ATF6: variants seen among roughly 807,000 people sequenced by gnomAD.
The protein encoded by ATF6 is cyclic AMP-dependent transcription factor ATF-6 alpha.
A neutral mutation model predicts 83.6 loss-of-function variants in ATF6; 53 were observed. The observed-to-expected ratio is 0.63, with a 90% CI of 0.51 to 0.80. The LOEUF (loss-of-function observed/expected upper bound fraction) is 0.80. Among genes scored for constraint, ATF6 ranks in the 30% least tolerant of loss-of-function variants. ATF6 has a pLI of 0.00. For missense variants in ATF6, 744 were observed against 797.9 expected (o/e 0.93, Z 0.81); for synonymous variants, 288 against 285.8 (o/e 1.01, Z -0.08).
intron 10 of ATF6, among the ~76,000 whole-genome samples, chr1:161,849,977 C>G (rs1350460312): frequency 6.6e-6 from 1 of 152,124 alleles, no homozygotes; most frequent in African/African-American, 2.4e-5. Flanking sequence ...TGTTGATACT[C>G]TTCCCCAAAA....
chr1:161,825,341 C>A (rs1685867144), intron 9 of ATF6, among the ~76,000 whole-genome samples: 1 of 152,130 alleles, frequency 6.6e-6, no homozygotes, highest in Non-Finnish European at 1.5e-5. Context: ...TATATCTGGC[C>A]AATTTAAGTC....
chr1:161,954,551 G>A (rs1688928983), intron 15 of ATF6, among the ~76,000 whole-genome samples: 1 of 152,170 alleles, frequency 6.6e-6, no homozygotes, highest in African/African-American at 2.4e-5. Flanking sequence ...ATATTTAATT[G>A]TTTATGATCA....
intron 15 of ATF6, among the ~76,000 whole-genome samples, chr1:161,953,892 T>G (rs368125430): frequency 1.3e-5 from 2 of 152,326 alleles, no homozygotes; most frequent in African/African-American, 4.8e-5. Context: ...TAAAAGTATT[T>G]TAACATTATT....
intron 15 of ATF6, among the ~76,000 whole-genome samples, chr1:161,955,285 C>T (rs972152533): frequency 1.3e-5 from 2 of 152,114 alleles, no homozygotes; most frequent in African/African-American, 2.4e-5. Context: ...AGTTAAAACT[C>T]GATCTGATAG....
At chr1:161,878,707 G>A (rs1002033186) in intron 14 of ATF6, among the ~76,000 whole-genome samples, 1 of 152,164 alleles carries the variant, frequency 6.6e-6, no homozygotes, top group Non-Finnish European at 1.5e-5. Flanking sequence ...AGAGACTTTT[G>A]AATGGGGAAG....
chr1:161,853,398 C>T lies in ATF6; in HGVS notation c.1533+75C>T, dbSNP rs1686684272. 21 of 1,113,020 alleles carry T rather than the reference C, an allele frequency of 1.9e-5. No individual in the cohort carries two copies. The South Asian group carries it at 2.5e-4, about 13-fold the overall frequency. The allele number at this position is 1,113,020 out of a possible 1,614,324, so 68.9% of individuals were successfully genotyped here. A position where few individuals can be genotyped will look rare whatever the true frequency, so the allele number is the denominator to read the frequency against. On this transcript the variant is annotated intron_variant, in intron 12 of 15. Transcript: ENST00000367942. ...CTTCTCCCAGCTGGGTTACTCTCTT[C>T]CCTAGAAGGTTGGTAAACTTGAGCT...
chr1:161,820,382 A>G (rs1056828918), intron 8 of ATF6, among the ~76,000 whole-genome samples: 1 of 152,162 alleles, frequency 6.6e-6, no homozygotes, highest in South Asian at 2.1e-4. Flanking sequence ...TTTACTGAAA[A>G]CAATGATTTA....
chr1:161,958,506 A>ACAC lies in ATF6; in HGVS notation c.1868_1870dup (p.Thr623dup). 1 of 1,613,654 alleles carries ACAC rather than the reference A, an allele frequency of 6.2e-7. No individual in the cohort carries two copies. The highest frequency in any genetic ancestry group is 8.5e-7 in the Non-Finnish European group (1 of 1,179,702). On this transcript the variant is annotated inframe_insertion, in exon 16 of 16. Transcript: ENST00000367942. ...ATGCAGATTGACTGTCAGGTGATGGACACCAGGATCCTCCATATCAAAAGT... is the reference window on the plus strand; with the variant it reads ...ATGCAGATTGACTGTCAGGTGATGGACACCACCAGGATCCTCCATATCAAAAGT...
intron 4 of ATF6, among the ~76,000 whole-genome samples, chr1:161,790,730 G>T (rs1684854664): frequency 6.6e-6 from 1 of 152,012 alleles, no homozygotes; most frequent in Non-Finnish European, 1.5e-5. Context: ...AGAATTGCTT[G>T]AACTGGGGAG....
intron 14 of ATF6, among the ~76,000 whole-genome samples, chr1:161,873,496 G>T (rs185682137): frequency 6.6e-6 from 1 of 151,438 alleles, no homozygotes. Flanking sequence ...CTCCTATATA[G>T]TATACAGTGA....
chr1:161,783,749 TAC>T (rs536149635), intron 3 of ATF6, among the ~76,000 whole-genome samples: 1 of 151,144 alleles, frequency 6.6e-6, no homozygotes, highest in African/African-American at 2.4e-5. Flanking sequence ...CACATATATA[TAC>T]ACACACACAC....
rs1689060239 is a variant in ATF6, at chr1:161,959,890, G to A, written c.*1236G>A. 6.6e-6 allele frequency: 1 copy of A among 152,088 alleles called. No homozygotes were observed. The highest frequency in any genetic ancestry group is 2.4e-5 in the African/African-American group (1 of 41,412). The allele number at this position is 152,088 out of a possible 1,614,324, so 9.4% of individuals were successfully genotyped here. On this transcript the variant is annotated 3_prime_UTR_variant, in exon 16 of 16. Coordinates refer to ENST00000367942, the MANE Select transcript of ATF6 (RefSeq NM_007348.4). The stretch of plus-strand genomic sequence containing the variant: ...TGAAATTATACCAAATTCAGCTGAG[G>A]AATATGGAAGTAACTTTAGACTTAA...
chr1:161,839,591 T>C (rs574749352), intron 9 of ATF6, among the ~76,000 whole-genome samples: 14 of 152,304 alleles, frequency 9.2e-5, no homozygotes, highest in African/African-American at 3.1e-4. Context: ...CAGGCTGGTC[T>C]CAAACTGCTG....
At chr1:161,832,900 G>C (rs1032129825) in intron 9 of ATF6, among the ~76,000 whole-genome samples, 2 of 152,226 alleles carry the variant, frequency 1.3e-5, no homozygotes, top group Admixed American at 1.3e-4. Context: ...CAGCTTTGAA[G>C]AGAGTAGTGG....
chr1:161,793,466 G>A (rs1684933689), intron 6 of ATF6, among the ~76,000 whole-genome samples: 1 of 152,174 alleles, frequency 6.6e-6, no homozygotes, highest in Admixed American at 6.5e-5. Context: ...TGTATTAAGG[G>A]TTCATGAACT....
At chr1:161,950,974 A>G (rs1688852241) in intron 15 of ATF6, among the ~76,000 whole-genome samples, 1 of 152,216 alleles carries the variant, frequency 6.6e-6, no homozygotes, top group Admixed American at 6.5e-5. Context: ...TTTTTGGAAA[A>G]GAGTAGCCAG....
At position 161,958,806 on chromosome 1, in the gene ATF6, C is replaced by G; in HGVS notation, c.*152C>G. The G allele has an allele frequency of 1.6e-6, 1 of 633,250 alleles. No individual in the cohort carries two copies. Among genetic ancestry groups the G allele is most frequent in the Non-Finnish European group, 2.6e-6 (1 of 390,256 alleles). 39.2% of individuals were successfully genotyped at this position (633,250 alleles called of 1,614,324 possible). A position where few individuals can be genotyped will look rare whatever the true frequency, so the allele number is the denominator to read the frequency against. On this transcript the variant is annotated 3_prime_UTR_variant, in exon 16 of 16. Coordinates refer to ENST00000367942, the MANE Select transcript of ATF6 (RefSeq NM_007348.4). ...AGAAGAAGAAATAAAAGAAGCTGCT[C>G]CATTTTTCATCATCTACCCATCTAT...
intron 9 of ATF6, among the ~76,000 whole-genome samples, chr1:161,829,966 G>A (rs1686010199): frequency 6.6e-6 from 1 of 152,064 alleles, no homozygotes; most frequent in South Asian, 2.1e-4. Flanking sequence ...CAATCAGGCA[G>A]GAGAAAGAAA....
At chr1:161,922,447 A>G (rs1338317520) in intron 15 of ATF6, among the ~76,000 whole-genome samples, 3 of 152,166 alleles carry the variant, frequency 2.0e-5, no homozygotes, top group African/African-American at 7.2e-5. Flanking sequence ...CATGATTTGT[A>G]CTTTACTGTA....
Sources: allele counts gnomAD v4.1 joint callset (sites outside exome capture counted in the v4.1 genomes callset), GRCh38; gene constraint gnomAD v4.1.1; transcripts MANE v1.5; gene names NCBI Gene and HGNC (gene_info 2026-07-23, HGNC 2026-07-21).